DIAPH2: variants seen among roughly 807,000 people sequenced by gnomAD.
DIAPH2 encodes the protein protein diaphanous homolog 2.
DIAPH2 carries 35 observed loss-of-function variants against 92.7 expected under a neutral mutation model. That is an observed-to-expected ratio of 0.38 (90% CI 0.29 to 0.50). DIAPH2 has a LOEUF of 0.50. Among genes scored for constraint, DIAPH2 ranks in the 20% least tolerant of loss-of-function variants. The pLI is 0.94. For synonymous variants in DIAPH2, 301 were observed against 280.4 expected (o/e 1.07, Z -0.73); for missense variants, 701 against 819.5 (o/e 0.86, Z 1.77).
intron 26 of DIAPH2, among the ~76,000 whole-genome samples, chrX:97,570,122 A>AGAAG (rs1569426243): frequency 1.8e-3 from 39 of 21,262 alleles, no homozygotes; most frequent in South Asian, 4.6e-3. Flanking sequence ...ATATATATAT[A>AGAAG]TTAGAAGATA....
At chrX:96,691,244 C>T (rs1248587288) in intron 1 of DIAPH2, among the ~76,000 whole-genome samples, 1 of 111,248 alleles carries the variant, frequency 9.0e-6, no homozygotes, top group African/African-American at 3.3e-5. Context: ...CAGAAGAAAC[C>T]GGTTCCTTCT....
At chrX:96,787,431 A>C (rs751346050) in intron 4 of DIAPH2, among the ~76,000 whole-genome samples, 2 of 111,180 alleles carry the variant, frequency 1.8e-5, no homozygotes, top group Non-Finnish European at 3.8e-5. Context: ...AATTTAATGA[A>C]GTGATTAAAA....
chrX:97,039,311 C>T (rs1422289696), intron 17 of DIAPH2, among the ~76,000 whole-genome samples: 2 of 110,791 alleles, frequency 1.8e-5, no homozygotes, highest in African/African-American at 6.5e-5. Context: ...TATATTAACC[C>T]ATTATCACCA....
intron 22 of DIAPH2, among the ~76,000 whole-genome samples, chrX:97,172,222 T>C (rs1348883957): frequency 8.9e-6 from 1 of 112,355 alleles, no homozygotes; most frequent in Non-Finnish European, 1.9e-5. Flanking sequence ...AATAGGAATA[T>C]GACAAACATT....
chrX:97,255,281 A>T (rs1325337246), intron 23 of DIAPH2, among the ~76,000 whole-genome samples: 2 of 111,880 alleles, frequency 1.8e-5, no homozygotes, highest in Non-Finnish European at 3.8e-5. Context: ...TTTTGAAAGG[A>T]TTGTAAACTG....
intron 4 of DIAPH2, among the ~76,000 whole-genome samples, chrX:96,770,197 CAA>C (rs539855244): frequency 1.6e-4 from 9 of 54,670 alleles, no homozygotes; most frequent in Non-Finnish European, 2.3e-4. Flanking sequence ...GACTGTGTCT[CAA>C]AAAAAAAAAA....
In DIAPH2 at chrX:96,758,194, G is replaced by A. The variant is rs755327169; in HGVS notation, c.383G>A (p.Arg128Gln). The A allele has an allele frequency of 4.2e-6, 5 of 1,204,215 alleles. No homozygotes were observed. The highest frequency in any genetic ancestry group is 4.5e-5 in the Admixed American group (2 of 44,733). The change falls in exon 4 of 27, where the codon CGA (arginine) becomes CAA (glutamine). Residue 128 changes from arginine to glutamine, a missense_variant. Arg to Gln is a conservative substitution (Grantham distance 43). Transcript: ENST00000324765. ...AACGAAGAGAAAAAAGCTCCTTTAC[G>A]AAACAAAGACTTTACCACCAAACGT... ...NLNEEKKAPL[R>Q]NKDFTTKREM... is the part of the protein sequence containing the mutation.
intron 14 of DIAPH2, among the ~76,000 whole-genome samples, chrX:96,946,700 T>A (rs768016579): frequency 8.9e-6 from 1 of 111,900 alleles, no homozygotes; most frequent in Non-Finnish European, 1.9e-5. Context: ...TAAAATTCCC[T>A]TTGAAAAACC....
intron 17 of DIAPH2, among the ~76,000 whole-genome samples, chrX:96,999,533 G>A (rs992283863): frequency 7.6e-5 from 8 of 104,664 alleles, no homozygotes; most frequent in African/African-American, 2.8e-4. Context: ...GTCTAATTTC[G>A]AATATAGCTC....
chrX:97,217,456 C>G (rs2067892122), intron 22 of DIAPH2, among the ~76,000 whole-genome samples: 1 of 111,642 alleles, frequency 9.0e-6, no homozygotes, highest in South Asian at 3.8e-4. Flanking sequence ...CATTCTAAAG[C>G]TGTTCTGCTG....
chrX:97,067,739 T>C (rs1237400990), intron 17 of DIAPH2, among the ~76,000 whole-genome samples: 1 of 112,198 alleles, frequency 8.9e-6, no homozygotes, highest in African/African-American at 3.2e-5. Context: ...ATTTTTCCAC[T>C]CAGCATTGTA....
At chrX:97,386,900 C>A (rs1277665395) in intron 25 of DIAPH2, among the ~76,000 whole-genome samples, 1 of 109,181 alleles carries the variant, frequency 9.2e-6, no homozygotes, top group African/African-American at 3.3e-5. Context: ...ACCCATCAAC[C>A]CATCATCTAT....
chrX:97,292,239 G>T (rs1322995243), intron 23 of DIAPH2, among the ~76,000 whole-genome samples: 2 of 110,345 alleles, frequency 1.8e-5, no homozygotes, highest in African/African-American at 3.3e-5. Context: ...TTGCCATGTT[G>T]CCCAGGCTGG....
At position 97,445,427 on chromosome X, in the gene DIAPH2, C is replaced by CTTT. The variant is rs1253724838; in HGVS notation, c.3241+15686_3241+15688dup. 3.7e-5 allele frequency among the ~76,000 whole-genome samples: 4 copies of CTTT among 108,344 alleles called. No individual in the cohort carries two copies. In the East Asian group the frequency reaches 1.2e-3, roughly 31 times the overall value. 94.1% of individuals were successfully genotyped at this position (108,344 alleles called of 115,157 possible). On this transcript the variant is annotated intron_variant, in intron 26 of 26. Transcript: ENST00000324765. The stretch of plus-strand genomic sequence containing the variant: ...GTAACACTGTTTCTTTTTTCTTTTT[C>CTTT]TTTTTTGAGAAGGAGTCTCGCTCTG...
At chrX:96,724,080 C>T (rs887720808) in intron 1 of DIAPH2, among the ~76,000 whole-genome samples, 9 of 109,323 alleles carry the variant, frequency 8.2e-5, no homozygotes, top group Non-Finnish European at 1.3e-4. Context: ...CCCACCACCA[C>T]GCATGGCTAA....
At chrX:96,714,082 G>C (rs759210125) in intron 1 of DIAPH2, among the ~76,000 whole-genome samples, 2 of 110,603 alleles carry the variant, frequency 1.8e-5, no homozygotes, top group South Asian at 7.7e-4. Context: ...ATATATCAAG[G>C]ATTTTTGCAT....
chrX:96,814,290 A>G (rs1219155777), intron 4 of DIAPH2, among the ~76,000 whole-genome samples: 1 of 111,605 alleles, frequency 9.0e-6, no homozygotes, highest in Non-Finnish European at 1.9e-5. Context: ...TCAATCACTG[A>G]TACCCTTTCT....
At chrX:97,498,997 A>G (rs1445213449) in intron 26 of DIAPH2, among the ~76,000 whole-genome samples, 1 of 111,389 alleles carries the variant, frequency 9.0e-6, no homozygotes, top group Non-Finnish European at 1.9e-5. Context: ...TCTAGAGACT[A>G]GATAGCCAGC....
At chrX:97,384,149 G>T in intron 25 of DIAPH2, 105 bp downstream of exon 25, 1 of 693,940 alleles carries the variant, frequency 1.4e-6, no homozygotes, top group South Asian at 3.5e-5. Context: ...ATTCACAATA[G>T]TATTAGTTAC....
Sources: allele counts gnomAD v4.1 joint callset (sites outside exome capture counted in the v4.1 genomes callset), GRCh38; gene constraint gnomAD v4.1.1; transcripts MANE v1.5; gene names NCBI Gene and HGNC (gene_info 2026-07-23, HGNC 2026-07-21).